The following MMP17 variants were observed in gnomAD, a reference collection of about 807,000 sequenced individuals.
MMP17 encodes the protein matrix metallopeptidase 17, also known as matrix metalloproteinase-17.
MMP17 carries 54 observed loss-of-function variants against 49.1 expected under a neutral mutation model. The ratio of observed to expected loss-of-function variants is 1.10; its 90% confidence interval spans 0.88 to 1.38. The LOEUF (loss-of-function observed/expected upper bound fraction) is 1.38. Among genes scored for constraint, MMP17 ranks in the 40% most tolerant of loss-of-function variants. MMP17 has a pLI of 0.00. For synonymous variants in MMP17, 397 were observed against 383.1 expected (o/e 1.04, Z -0.42); for missense variants, 837 against 853.7 (o/e 0.98, Z 0.24).
At chr12:131,849,617 A>G (rs1255285801) in intron 8 of MMP17, among the ~76,000 whole-genome samples, 185 bp from the exon 9 acceptor site, 2 of 152,192 alleles carry the variant, frequency 1.3e-5, no homozygotes, top group Non-Finnish European at 2.9e-5. Flanking sequence ...TGGGCACAGT[A>G]GGTGCTCACT....
In MMP17 at chr12:131,838,617, GC is replaced by G. The variant is rs763183545; in HGVS notation, c.300del (p.Thr101ProfsTer4). 2.5e-6 allele frequency: 4 copies of G among 1,609,738 alleles called. No homozygotes were observed. In the African/African-American group the frequency reaches 5.3e-5, roughly 22 times the overall value. ...GLEATGILDE[A>X]TLALMKTPRC... ...GCTCCATGCTTTCCCTGCAGACGAG[GC>G]CACCCTGGCCCTGATGAAAACCCCA... On this transcript the variant is annotated frameshift_variant, in exon 3 of 10. Coordinates refer to ENST00000360564, the MANE Select transcript of MMP17 (RefSeq NM_016155.7). LOFTEE classifies it high-confidence loss of function.
chr12:131,844,881 T>C, intron 6 of MMP17: 1 of 543,304 alleles, frequency 1.8e-6, no homozygotes, highest in South Asian at 2.1e-5. Context: ...GCTCCTGCCC[T>C]CCCCGCAGCT....
rs1202251675 is a variant in MMP17, at chr12:131,831,610, A to T, written c.159+2957A>T. Among the ~76,000 whole-genome samples the T allele has an allele frequency of 2.0e-5, 3 of 151,132 alleles. No individual in the cohort carries two copies. In the East Asian group the frequency reaches 6.0e-4, roughly 30 times the overall value. ...CCATGGCCTGATTTCGCCATGAGAG[A>T]CGTCTGACTGTCCCTTGCTCCGCGG... On this transcript the variant is annotated intron_variant, in intron 1 of 9. Coordinates refer to ENST00000360564, the MANE Select transcript of MMP17 (RefSeq NM_016155.7).
chr12:131,837,915 T>G, intron 1 of MMP17: 1 of 264,258 alleles, frequency 3.8e-6, no homozygotes. Flanking sequence ...TTTCACCATA[T>G]TAGCTAGGAT....
In MMP17 at chr12:131,828,596, C is replaced by T; in HGVS notation, c.102C>T (p.Arg34=). The T allele has an allele frequency of 2.1e-6, 2 of 951,608 alleles. No individual in the cohort carries two copies. Among genetic ancestry groups the T allele is most frequent in the Non-Finnish European group, 2.6e-6 (2 of 781,580 alleles). 58.9% of individuals were successfully genotyped at this position (951,608 alleles called of 1,614,324 possible). The part of the protein sequence containing the change: ...PLLLLLALGT[R]GGCAAPAPAP... The stretch of plus-strand genomic sequence containing the variant: ...TGCTGCTGCTGGCGCTGGGGACCCG[C>T]GGGGGCTGCGCCGCGCCCGCACCCG... Residue 34 remains arginine (R), a synonymous_variant, in exon 1 of 10, where the codon CGC becomes CGT. Transcript: ENST00000360564.
chr12:131,842,721 T>G (rs7486547), intron 5 of MMP17, among the ~76,000 whole-genome samples: 1 of 150,654 alleles, frequency 6.6e-6, no homozygotes, highest in Non-Finnish European at 1.5e-5. Context: ...TGCAGTGAGC[T>G]GAGATCGCAC....
intron 6 of MMP17, 132 bp downstream of exon 6, chr12:131,844,213 G>T: frequency 1.3e-6 from 1 of 741,288 alleles, no homozygotes; most frequent in Non-Finnish European, 2.2e-6. Context: ...TGAGCCCCCA[G>T]TGACATTTTG....
intron 1 of MMP17, among the ~76,000 whole-genome samples, chr12:131,834,871 C>T (rs1039802380): frequency 2.0e-5 from 3 of 152,172 alleles, no homozygotes; most frequent in Non-Finnish European, 2.9e-5. Context: ...AGCTGCCTGC[C>T]GCCTCTTCCC....
Position 131,828,640 on chromosome 12 carries a change from T to A in MMP17, c.146T>A (p.Leu49His). The A allele has an allele frequency of 1.6e-6, 1 of 619,106 alleles. No homozygotes were observed. Among genetic ancestry groups the A allele is most frequent in the Non-Finnish European group, 2.1e-6 (1 of 481,604 alleles). The allele number at this position is 619,106 out of a possible 1,614,324, so 38.4% of individuals were successfully genotyped here. ...APAPAPRAED[L>H]SLGVEWLSRF... ...GCACCCGCGCCGCGCGCCGAGGACC[T>A]CAGCCTGGGAGTGGTGAGCGCGCGG... is the stretch of plus-strand genomic sequence containing the variant. The change falls in exon 1 of 10, where the codon CTC becomes CAC. Residue 49 changes from leucine (L) to histidine (H), a missense_variant. By Grantham distance (99) the Leu-to-His change is moderately conservative. Coordinates refer to ENST00000360564, the MANE Select transcript of MMP17 (RefSeq NM_016155.7).
chr12:131,831,765 G>C (rs1382562656), intron 1 of MMP17, among the ~76,000 whole-genome samples: 2 of 138,176 alleles, frequency 1.4e-5, no homozygotes, highest in East Asian at 4.4e-4. Flanking sequence ...ACAGGCTGCC[G>C]TGCGATCAGC....
At chr12:131,840,318 G>C (rs1394681756) in intron 3 of MMP17, 4 of 479,146 alleles carry the variant, frequency 8.3e-6, no homozygotes, top group Non-Finnish European at 1.1e-5. Flanking sequence ...CTCCACGCGG[G>C]AGCTGACGTT....
At chr12:131,833,607 C>T (rs1886934097) in intron 1 of MMP17, among the ~76,000 whole-genome samples, 1 of 152,238 alleles carries the variant, frequency 6.6e-6, no homozygotes. Context: ...CCATCACTGA[C>T]CGTGTGCTGT....
intron 8 of MMP17, among the ~76,000 whole-genome samples, chr12:131,848,165 G>A (rs1008649527): frequency 4.6e-5 from 7 of 151,892 alleles, no homozygotes; most frequent in East Asian, 1.9e-4. Flanking sequence ...AGCTCACTGC[G>A]GCCTCGACCT....
Position 131,851,130 on chromosome 12 carries a change from C to T in MMP17, c.1668C>T (p.Asp556=), listed in dbSNP as rs754349598. 9.5e-6 allele frequency: 15 copies of T among 1,582,152 alleles called. No homozygotes were observed. Among genetic ancestry groups the T allele is most frequent in the East Asian group, 6.9e-5 (3 of 43,364 alleles). Residue 556 remains aspartate, a synonymous_variant, in exon 10 of 10, where the codon GAC becomes GAT. Transcript: ENST00000360564. The part of the protein sequence containing the change: ...PGQHDQSRSE[D]GYEVCSCTSG... ...AACATGACCAGAGCCGCTCGGAGGA[C>T]GGTTACGAGGTCTGCTCATGCACCT...
chr12:131,842,952 T>C (rs1403634326), intron 5 of MMP17, among the ~76,000 whole-genome samples: 1 of 152,002 alleles, frequency 6.6e-6, no homozygotes, highest in African/African-American at 2.4e-5. Context: ...CCTGACCTCC[T>C]TTCTTCATAG....
At chr12:131,844,971 T>G (rs1887616787) in intron 6 of MMP17, 147 bp from the exon 7 acceptor site, 1 of 728,718 alleles carries the variant, frequency 1.4e-6, no homozygotes, top group Non-Finnish European at 2.3e-6. Context: ...CGTTTTAATT[T>G]GCCTTTAGCA....
At chr12:131,832,381 G>T (rs1358789954) in intron 1 of MMP17, among the ~76,000 whole-genome samples, 1 of 136,280 alleles carries the variant, frequency 7.3e-6, no homozygotes, top group African/African-American at 2.7e-5. Flanking sequence ...AGGATCTTGT[G>T]GGGGAACGGG....
In MMP17 at chr12:131,843,377, C is replaced by CTGGGACTACA. The variant is rs1172795602; in HGVS notation, c.884-619_884-610dup. On this transcript the variant is annotated intron_variant, in intron 5 of 9. Coordinates refer to ENST00000360564, the MANE Select transcript of MMP17 (RefSeq NM_016155.7). ...CCTCCTGACTCAGCCTCCTGAACAGCTGGGACTACAGGCATGCACTATCAC... is the reference window on the plus strand; with the variant it reads ...CCTCCTGACTCAGCCTCCTGAACAGCTGGGACTACATGGGACTACAGGCATGCACTATCAC... Among the ~76,000 whole-genome samples, 5 of 149,550 alleles carry CTGGGACTACA rather than the reference C, an allele frequency of 3.3e-5. No homozygotes were observed. In the East Asian group the frequency reaches 8.1e-4, roughly 24 times the overall value.
At chr12:131,847,897 G>A (rs775331675) in intron 8 of MMP17, among the ~76,000 whole-genome samples, 7 of 152,074 alleles carry the variant, frequency 4.6e-5, no homozygotes, top group East Asian at 1.9e-4. Context: ...CCCCTGTGTC[G>A]CCTGCCCCTG....
Sources: allele counts gnomAD v4.1 joint callset (sites outside exome capture counted in the v4.1 genomes callset), GRCh38; gene constraint gnomAD v4.1.1; transcripts MANE v1.5; gene names NCBI Gene and HGNC (gene_info 2026-07-23, HGNC 2026-07-21).